Variants in CNTNAP2 observed in about 807,000 individuals in gnomAD.
CNTNAP2 encodes contactin-associated protein-like 2.
Under a neutral mutation model 155.2 loss-of-function variants are expected in CNTNAP2, and 98 were observed. The ratio of observed to expected loss-of-function variants is 0.63; its 90% CI spans 0.54 to 0.75. The LOEUF (loss-of-function observed/expected upper bound fraction) is 0.75, where lower values mean the gene tolerates loss of function less well. CNTNAP2 is among the 30% of genes least tolerant of loss of function. The pLI, the probability that CNTNAP2 is intolerant of heterozygous loss-of-function variation, is 0.00. For synonymous variants in CNTNAP2, 651 were observed against 631.2 expected (o/e 1.03, Z -0.47); for missense variants, 1,727 against 1,688.1 (o/e 1.02, Z -0.40).
intron 15 of CNTNAP2, among the ~76,000 whole-genome samples, chr7:148,035,786 T>C (rs986344504): frequency 2.6e-5 from 4 of 152,132 alleles, no homozygotes; most frequent in Non-Finnish European, 5.9e-5. Context: ...CTGGGAGAGA[T>C]GCAGGTATGA....
chr7:146,151,696 ATGTATATATATATATATG>A (rs1798053038), intron 1 of CNTNAP2, among the ~76,000 whole-genome samples: 1 of 40,228 alleles, frequency 2.5e-5, no homozygotes, highest in Admixed American at 2.7e-4. Flanking sequence ...ATATATATAT[ATGTATATATATATATATG>A]TATATATATA....
Position 148,303,221 on chromosome 7 carries a change from A to C in CNTNAP2, c.3475+36095A>C, listed in dbSNP as rs147604288. Among the ~76,000 whole-genome samples the C allele has an allele frequency of 5.5e-4, 83 of 152,282 alleles. 1 individual carries two copies. In the East Asian group the frequency reaches 0.014, roughly 27 times the overall value. On this transcript the variant is annotated intron_variant, in intron 21 of 23. Coordinates refer to ENST00000361727, the MANE Select transcript of CNTNAP2 (RefSeq NM_014141.6). ...CTCCTGAAATTTAACTTGATCCTGAAGACGAAGGATTTCCTTGAGCTCATA... is the reference window on the plus strand; with the variant it reads ...CTCCTGAAATTTAACTTGATCCTGACGACGAAGGATTTCCTTGAGCTCATA...
intron 1 of CNTNAP2, among the ~76,000 whole-genome samples, chr7:146,479,315 T>A (rs960637109): frequency 6.6e-6 from 1 of 152,166 alleles, no homozygotes; most frequent in Non-Finnish European, 1.5e-5. Context: ...AATAAACACA[T>A]CTCTTAAATT....
intron 3 of CNTNAP2, among the ~76,000 whole-genome samples, chr7:146,888,216 T>A (rs1795707375): frequency 6.6e-6 from 1 of 152,154 alleles, no homozygotes; most frequent in Non-Finnish European, 1.5e-5. Flanking sequence ...TAACCTTCAT[T>A]AAATATACTT....
chr7:146,794,357 A>C (rs1802729916), intron 2 of CNTNAP2, among the ~76,000 whole-genome samples: 1 of 152,228 alleles, frequency 6.6e-6, no homozygotes, highest in Non-Finnish European at 1.5e-5. Context: ...TTATGTTTAG[A>C]GGGATTGATG....
chr7:147,543,526 T>C (rs971951609), intron 11 of CNTNAP2, among the ~76,000 whole-genome samples: 2 of 152,208 alleles, frequency 1.3e-5, no homozygotes, highest in Non-Finnish European at 2.9e-5. Flanking sequence ...TGAAAGTTTT[T>C]TCCTACTTTC....
intron 15 of CNTNAP2, among the ~76,000 whole-genome samples, chr7:148,029,089 T>C (rs1469858310): frequency 1.8e-5 from 2 of 108,864 alleles, no homozygotes; most frequent in Admixed American, 1.0e-4. Flanking sequence ...AATCTGGATA[T>C]CCTTTTGGGC....
chr7:146,968,670 T>A (rs1797713091), intron 3 of CNTNAP2, among the ~76,000 whole-genome samples: 1 of 151,974 alleles, frequency 6.6e-6, no homozygotes, highest in Non-Finnish European at 1.5e-5. Context: ...CCTTTATCAT[T>A]TTTTATTGTG....
intron 3 of CNTNAP2, among the ~76,000 whole-genome samples, chr7:146,983,476 G>GTAT (rs1187551466): frequency 2.0e-5 from 3 of 152,130 alleles, no homozygotes; most frequent in East Asian, 3.9e-4. Flanking sequence ...GAAGCAAAAA[G>GTAT]TATTAATGCA....
At chr7:146,426,659 CA>C (rs1563079471) in intron 1 of CNTNAP2, among the ~76,000 whole-genome samples, 2 of 134,688 alleles carry the variant, frequency 1.5e-5, no homozygotes, top group South Asian at 4.6e-4. Context: ...GTGAAACTTA[CA>C]AAAAGAAAGA....
chr7:147,128,848 C>T lies in CNTNAP2; in HGVS notation c.1083+12C>T, dbSNP rs1801293690. The T allele has an allele frequency of 6.2e-7, 1 of 1,613,854 alleles. No individual in the cohort carries two copies. Among genetic ancestry groups the T allele is most frequent in the Non-Finnish European group, 8.5e-7 (1 of 1,179,814 alleles). On this transcript the variant is annotated intron_variant, in intron 7 of 23. Transcript: ENST00000361727. ...AGCCCTCAAATGTGGTAAGGATTTT[C>T]ACCCGCAAAATATTGGTCTATAAAA...
chr7:146,174,612 C>T (rs1037018180), intron 1 of CNTNAP2, among the ~76,000 whole-genome samples: 4 of 151,714 alleles, frequency 2.6e-5, no homozygotes, highest in East Asian at 2.0e-4. Flanking sequence ...CTGAGGCTGG[C>T]GGATCACCTG....
chr7:148,085,387 T>A (rs186046680), intron 15 of CNTNAP2, among the ~76,000 whole-genome samples: 8 of 152,220 alleles, frequency 5.3e-5, no homozygotes, highest in Non-Finnish European at 1.2e-4. Context: ...AGCATCAACA[T>A]AGCTTTTCAA....
intron 3 of CNTNAP2, among the ~76,000 whole-genome samples, chr7:146,854,507 G>A (rs1794938607): frequency 6.6e-6 from 1 of 152,128 alleles, no homozygotes; most frequent in Admixed American, 6.6e-5. Context: ...TAGTACCAAA[G>A]ATAATTGTGG....
chr7:147,508,613 A>C (rs1262421732), intron 11 of CNTNAP2, among the ~76,000 whole-genome samples: 4 of 152,104 alleles, frequency 2.6e-5, no homozygotes, highest in African/African-American at 4.8e-5. Context: ...TCCCCACCCA[A>C]ATCTCATATT....
At chr7:146,913,518 A>G (rs1460231210) in intron 3 of CNTNAP2, among the ~76,000 whole-genome samples, 1 of 152,132 alleles carries the variant, frequency 6.6e-6, no homozygotes, top group Non-Finnish European at 1.5e-5. Flanking sequence ...GAAGTCTAAA[A>G]CCAGGGTGCC....
chr7:147,185,383 T>C (rs943950791), intron 8 of CNTNAP2, among the ~76,000 whole-genome samples: 7 of 152,188 alleles, frequency 4.6e-5, no homozygotes, highest in African/African-American at 1.7e-4. Flanking sequence ...TAGGTATATA[T>C]ACTAGAGAAA....
intron 15 of CNTNAP2, among the ~76,000 whole-genome samples, chr7:148,066,623 G>A (rs1482916857): frequency 1.3e-5 from 2 of 151,454 alleles, no homozygotes; most frequent in Non-Finnish European, 2.9e-5. Flanking sequence ...TCAGCCTCCC[G>A]AGTAGCTGGG....
At chr7:148,397,592 T>C (rs1799497055) in intron 22 of CNTNAP2, among the ~76,000 whole-genome samples, 1 of 152,236 alleles carries the variant, frequency 6.6e-6, no homozygotes, top group Non-Finnish European at 1.5e-5. Flanking sequence ...CACTTTGCTT[T>C]TTCTTGTTCC....
Sources: allele counts gnomAD v4.1 joint callset (sites outside exome capture counted in the v4.1 genomes callset), GRCh38; gene constraint gnomAD v4.1.1; transcripts MANE v1.5; gene names NCBI Gene and HGNC (gene_info 2026-07-23, HGNC 2026-07-21).